BRINP2: variants seen among roughly 807,000 people sequenced by gnomAD.
BRINP2 encodes BMP/retinoic acid-inducible neural-specific protein 2.
Under a neutral mutation model 69.2 loss-of-function variants are expected in BRINP2, and 21 were observed. That is an observed-to-expected ratio of 0.30 (90% CI 0.22 to 0.44). The LOEUF (loss-of-function observed/expected upper bound fraction) is 0.44, where lower values mean the gene tolerates loss of function less well. Ranked by LOEUF, BRINP2 falls within the 20% of genes least tolerant of loss-of-function variation. The pLI is 1.00. For synonymous variants in BRINP2, 380 were observed against 394.1 expected, an observed-to-expected ratio of 0.96 and a Z score of 0.42; for missense variants, 877 against 986.0, an observed-to-expected ratio of 0.89 and a Z score of 1.48.
In BRINP2 at chr1:177,280,785, C is replaced by T. The variant is rs1196713538; in HGVS notation, c.1609C>T (p.Arg537Trp). 130 of 1,613,970 alleles carry T rather than the reference C, an allele frequency of 8.1e-5. No individual in the cohort carries two copies. The highest frequency in any genetic ancestry group is 1.1e-4 in the East Asian group (5 of 44,866). ...CTCCATCTTCATCAGCAATGACATGCGGCTGGGCAGCTGGTTTGACCCTTC... is the reference window on the plus strand; with the variant it reads ...CTCCATCTTCATCAGCAATGACATGTGGCTGGGCAGCTGGTTTGACCCTTC... ...VHSIFISNDM[R>W]LGSWFDPSWR... The change falls in exon 8 of 8, where the codon CGG becomes TGG. Residue 537 changes from arginine (R) to tryptophan (W), a missense_variant. Arg to Trp is a moderately radical substitution (Grantham distance 101). Around this residue, in one of 3 missense-constraint regions of BRINP2, gnomAD observed 86 missense variants for 142.1 expected, o/e 0.61. Transcript: ENST00000361539.
chr1:177,253,198 G>T (rs141527907), intron 2 of BRINP2, among the ~76,000 whole-genome samples: 2 of 152,006 alleles, frequency 1.3e-5, no homozygotes, highest in African/African-American at 4.8e-5. Context: ...TCTGCATCCT[G>T]ACCAGCATTT....
rs752132951 is a variant in BRINP2, at chr1:177,214,160, G to A, written c.-76-15641G>A. On this transcript the variant is annotated intron_variant, in intron 1 of 7. Transcript: ENST00000361539. ...TGTTAAAGAATTAAAGGCCGGGTGC[G>A]GTAGCTCATGCCTGTAATCCCAGCA... 1.5e-4 allele frequency among the ~76,000 whole-genome samples: 23 copies of A among 152,100 alleles called. 1 individual carries two copies. The highest frequency in any genetic ancestry group is 8.3e-4 in the South Asian group (4 of 4,822).
chr1:177,279,812 A>G (rs1259728441), intron 7 of BRINP2, among the ~76,000 whole-genome samples: 1 of 152,234 alleles, frequency 6.6e-6, no homozygotes, highest in Non-Finnish European at 1.5e-5. Context: ...AATTTCAGCT[A>G]CTGATAATTT....
chr1:177,206,030 C>T (rs1286768632), intron 1 of BRINP2, among the ~76,000 whole-genome samples: 1 of 152,206 alleles, frequency 6.6e-6, no homozygotes, highest in Non-Finnish European at 1.5e-5. Context: ...CTCACTCTCT[C>T]TGGGGAGGCC....
intron 1 of BRINP2, among the ~76,000 whole-genome samples, chr1:177,185,589 T>A (rs1648404836): frequency 6.6e-6 from 1 of 152,210 alleles, no homozygotes; most frequent in Admixed American, 6.5e-5. Context: ...TATTGAGCAT[T>A]TAATATTTAT....
chr1:177,247,852 A>G (rs1650432823), intron 2 of BRINP2, among the ~76,000 whole-genome samples: 1 of 152,234 alleles, frequency 6.6e-6, no homozygotes, highest in African/African-American at 2.4e-5. Flanking sequence ...TTTCCTCCTC[A>G]GTAAACCCAG....
Position 177,281,254 on chromosome 1 carries a change from A to G in BRINP2, c.2078A>G (p.Asp693Gly), listed in dbSNP as rs1355637549. Residue 693 changes from aspartate to glycine, a missense_variant, in exon 8 of 8, where the codon GAC becomes GGC. Asp to Gly is a moderately conservative substitution (Grantham distance 94). Around this residue, in one of 3 missense-constraint regions of BRINP2, gnomAD observed 225 missense variants for 218.7 expected, o/e 1.03. Coordinates refer to ENST00000361539, the MANE Select transcript of BRINP2 (RefSeq NM_021165.4). ...GTCTTTGGCTACAGCCTGCCCTTTG[A>G]CCCAGATGCTATCCGGGACTTAATT... is the stretch of plus-strand genomic sequence containing the variant. ...LQVFGYSLPF[D>G]PDAIRDLILQ... is the part of the protein sequence containing the mutation. 32 of 1,613,964 alleles carry G rather than the reference A, an allele frequency of 2.0e-5. 1 individual carries two copies. The Admixed American group carries it at 5.2e-4, about 26-fold the overall frequency.
At chr1:177,244,995 C>A (rs927512579) in intron 2 of BRINP2, among the ~76,000 whole-genome samples, 5 of 152,042 alleles carry the variant, frequency 3.3e-5, no homozygotes, top group African/African-American at 9.7e-5. Context: ...AGTGATATTG[C>A]AAAGTAACAT....
intron 1 of BRINP2, among the ~76,000 whole-genome samples, chr1:177,201,186 T>TA (rs953951851): frequency 5.9e-5 from 9 of 151,652 alleles, no homozygotes; most frequent in Non-Finnish European, 1.2e-4. Flanking sequence ...ACTATTGAAA[T>TA]AAAAAAAAGA....
At chr1:177,198,535 G>A (rs1468653320) in intron 1 of BRINP2, among the ~76,000 whole-genome samples, 2 of 152,206 alleles carry the variant, frequency 1.3e-5, no homozygotes, top group African/African-American at 2.4e-5. Flanking sequence ...TCATGTGGGA[G>A]TTCAGAACCC....
At chr1:177,266,217 A>G (rs1243848476) in intron 4 of BRINP2, among the ~76,000 whole-genome samples, 1 of 152,012 alleles carries the variant, frequency 6.6e-6, no homozygotes, top group African/African-American at 2.4e-5. Context: ...GACTATTGAA[A>G]ATCTGTCTCT....
At chr1:177,193,131 A>T (rs977904216) in intron 1 of BRINP2, among the ~76,000 whole-genome samples, 1 of 152,266 alleles carries the variant, frequency 6.6e-6, no homozygotes, top group Non-Finnish European at 1.5e-5. Flanking sequence ...GTGTGGTAAA[A>T]ACTGGGGCAG....
chr1:177,181,259 C>A (rs557595965), intron 1 of BRINP2, among the ~76,000 whole-genome samples: 2 of 152,308 alleles, frequency 1.3e-5, no homozygotes, highest in Admixed American at 6.5e-5. Flanking sequence ...CTCAAAGTTT[C>A]GTGCTTTTTC....
chr1:177,202,103 T>A (rs1474609180), intron 1 of BRINP2, among the ~76,000 whole-genome samples: 1 of 152,206 alleles, frequency 6.6e-6, no homozygotes, highest in Non-Finnish European at 1.5e-5. Context: ...TTCTTCTTTA[T>A]TAGTCTTGCT....
At chr1:177,174,519 A>G (rs963047062) in intron 1 of BRINP2, among the ~76,000 whole-genome samples, 1 of 152,234 alleles carries the variant, frequency 6.6e-6, no homozygotes, top group African/African-American at 2.4e-5. Context: ...CACAAGGCTG[A>G]CCTAGTTCAT....
chr1:177,247,203 G>C (rs908917247), intron 2 of BRINP2, among the ~76,000 whole-genome samples: 4 of 152,218 alleles, frequency 2.6e-5, no homozygotes, highest in African/African-American at 9.6e-5. Flanking sequence ...TGAAGAAAGA[G>C]AAGACTTCCT....
At chr1:177,238,180 A>C (rs1222244506) in intron 2 of BRINP2, among the ~76,000 whole-genome samples, 1 of 152,214 alleles carries the variant, frequency 6.6e-6, no homozygotes, top group African/African-American at 2.4e-5. Flanking sequence ...CCACGTATGC[A>C]AAGGATTAGA....
At chr1:177,237,216 G>A (rs889488991) in intron 2 of BRINP2, among the ~76,000 whole-genome samples, 6 of 152,260 alleles carry the variant, frequency 3.9e-5, no homozygotes, top group African/African-American at 1.4e-4. Context: ...CCTCTCTCAA[G>A]TATTTATGGA....
At chr1:177,269,966 A>G (rs561743270) in intron 4 of BRINP2, among the ~76,000 whole-genome samples, 107 of 152,048 alleles carry the variant, frequency 7.0e-4, no homozygotes, top group African/African-American at 2.4e-3. Flanking sequence ...CATTACCTGT[A>G]TAGGCTCTCT....
Sources: gnomAD v4.1 joint callset for allele counts (sites outside exome capture counted in the v4.1 genomes callset) on GRCh38, gnomAD v4.1.1 for gene constraint, gnomAD v4.1.1 regional missense constraint, MANE v1.5 for transcripts, NCBI Gene and HGNC (gene_info 2026-07-23, HGNC 2026-07-21) for gene names.